SMC4: variants seen among roughly 807,000 people sequenced by gnomAD.
SMC4 encodes the protein structural maintenance of chromosomes 4.
SMC4 carries 87 observed loss-of-function variants against 145.6 expected under a neutral mutation model. The ratio of observed to expected loss-of-function variants is 0.60; its 90% CI spans 0.50 to 0.71. SMC4 has a LOEUF of 0.71. Among genes scored for constraint, SMC4 ranks in the 30% least tolerant of loss-of-function variants. The pLI is 0.00. For synonymous variants in SMC4, 558 were observed against 500.7 expected (o/e 1.11, Z -1.53); for missense variants, 1,447 against 1,537.1 (o/e 0.94, Z 0.98).
intron 8 of SMC4, chr3:160,413,816 C>T (rs1396561419): frequency 1.3e-5 from 5 of 374,790 alleles, no homozygotes; most frequent in South Asian, 3.4e-5. Context: ...GTCTTAGAAC[C>T]GTGGGGATGC....
intron 5 of SMC4, among the ~76,000 whole-genome samples, chr3:160,407,027 G>C (rs1433375301): frequency 6.6e-6 from 1 of 152,138 alleles, no homozygotes; most frequent in Non-Finnish European, 1.5e-5. Context: ...AGTTTTATTA[G>C]CTCTGTATAA....
At chr3:160,425,361 A>G (rs1247435437) in intron 16 of SMC4, among the ~76,000 whole-genome samples, 7 of 152,126 alleles carry the variant, frequency 4.6e-5, no homozygotes, top group Non-Finnish European at 7.4e-5. Context: ...TGTTTTTTTA[A>G]TAAGTTTCCA....
rs1715157878 is a variant in SMC4, at chr3:160,404,974, T to C, written c.687+470T>C. On this transcript the variant is annotated intron_variant, in intron 5 of 23. Transcript: ENST00000357388. ...TATAACCAAAAAATGAAAAAATCTG[T>C]ACACTTGGTGTTTGATTTACCTAAG... 4.8e-5 allele frequency: 14 copies of C among 292,698 alleles called. 1 individual carries two copies. The highest frequency in any genetic ancestry group is 3.8e-4 in the South Asian group (12 of 31,928). 18.1% of individuals were successfully genotyped at this position (292,698 alleles called of 1,614,324 possible).
intron 5 of SMC4, among the ~76,000 whole-genome samples, chr3:160,407,891 G>A (rs975509887): frequency 2.0e-5 from 3 of 152,118 alleles, no homozygotes; most frequent in African/African-American, 7.2e-5. Flanking sequence ...CTACTAACAA[G>A]TTACTCTTTC....
At chr3:160,432,021 T>C (rs1054138952) in intron 21 of SMC4, among the ~76,000 whole-genome samples, 196 bp downstream of exon 21, 1 of 152,184 alleles carries the variant, frequency 6.6e-6, no homozygotes, top group Non-Finnish European at 1.5e-5. Context: ...GCCAACATAG[T>C]GAAACCTCAT....
intron 3 of SMC4, 56 bp downstream of exon 3, chr3:160,402,149 TA>T (rs1415369886): frequency 5.2e-6 from 6 of 1,144,344 alleles, no homozygotes; most frequent in Non-Finnish European, 5.9e-6. Flanking sequence ...TGTAAGGTAA[TA>T]CGTTTTTACA....
Position 160,433,707 on chromosome 3 carries a change from G to GT in SMC4, c.3768dup (p.Glu1257Ter). 1 of 1,586,094 alleles carries GT rather than the reference G, an allele frequency of 6.3e-7. No homozygotes were observed. Among genetic ancestry groups the GT allele is most frequent in the Non-Finnish European group, 8.6e-7 (1 of 1,163,806 alleles). On this transcript the variant is annotated frameshift_variant, in exon 24 of 24. Transcript: ENST00000357388. LOFTEE classifies it high-confidence loss of function. ...TAATAATTTCTCTTCGAAATAATAT[G>GT]TTTGAGATTTCGGATAGACTTATTG...
At chr3:160,401,113 TG>T in intron 2 of SMC4, 148 bp downstream of exon 2, 1 of 1,146,578 alleles carries the variant, frequency 8.7e-7, no homozygotes, top group Non-Finnish European at 1.1e-6. Flanking sequence ...GAAAGCCATT[TG>T]GCAACTTTGA....
chr3:160,432,221 C>A, intron 21 of SMC4, 62 bp from the exon 22 acceptor site: 1 of 1,248,696 alleles, frequency 8.0e-7, no homozygotes, highest in Non-Finnish European at 1.1e-6. Context: ...TAATAATTAA[C>A]AATGCTAATT....
At chr3:160,404,108 G>A (rs1349334121) in intron 4 of SMC4, 17 of 451,866 alleles carry the variant, frequency 3.8e-5, no homozygotes, top group South Asian at 1.6e-4. Context: ...TTGGCTTCTT[G>A]ATTTTTGTGA....
At position 160,433,129 on chromosome 3, in the gene SMC4, C is replaced by T. The variant is rs1438914600; in HGVS notation, c.3634C>T (p.Pro1212Ser). Residue 1212 changes from proline to serine, a missense_variant, in exon 23 of 24, where the codon CCC becomes TCC. Coordinates refer to ENST00000357388, the MANE Select transcript of SMC4 (RefSeq NM_001002800.3). ...ALVFALHHYK[P>S]TPLYFMDEID... ...AGTATTTGCTCTTCACCACTACAAGCCCACTCCCCTTTACTTCATGGATGA... is the reference window on the plus strand; with the variant it reads ...AGTATTTGCTCTTCACCACTACAAGTCCACTCCCCTTTACTTCATGGATGA... 6.2e-7 allele frequency: 1 copy of T among 1,613,486 alleles called. No individual in the cohort carries two copies. Among genetic ancestry groups the T allele is most frequent in the Admixed American group, 1.7e-5 (1 of 60,010 alleles).
intron 12 of SMC4, among the ~76,000 whole-genome samples, chr3:160,419,953 A>T (rs1020983373): frequency 3.4e-5 from 5 of 148,586 alleles, no homozygotes; most frequent in African/African-American, 7.9e-5. Context: ...AATGAAAATT[A>T]AAAAAAATTT....
At position 160,431,837 on chromosome 3, in the gene SMC4, CTG is replaced by C. The variant is rs1219353330; in HGVS notation, c.3297+16_3297+17del. 4.4e-6 allele frequency: 7 copies of C among 1,607,428 alleles called. No homozygotes were observed. In the South Asian group the frequency reaches 7.8e-5, roughly 18 times the overall value. On this transcript the variant is annotated intron_variant, in intron 21 of 23. Transcript: ENST00000357388. The stretch of plus-strand genomic sequence containing the variant: ...AGTATAAAAAGAAGGTATGAATGAA[CTG>C]TGTATGTATACTAGTTGGAGTTCTT...
Position 160,432,338 on chromosome 3 carries a change from A to T in SMC4, c.3353A>T (p.Asp1118Val). ...AELDKITYER[D>V]SFRQAYEDLR... is the part of the protein sequence containing the mutation. ...TTGGACAAAATTACTTATGAAAGAG[A>T]CAGTTTTAGACAGGCATATGAAGAT... Residue 1118 changes from aspartate to valine, a missense_variant, in exon 22 of 24, where the codon GAC (aspartate) becomes GTC (valine). Transcript: ENST00000357388. 6.2e-7 allele frequency: 1 copy of T among 1,613,162 alleles called. No homozygotes were observed. Among genetic ancestry groups the T allele is most frequent in the Non-Finnish European group, 8.5e-7 (1 of 1,179,756 alleles).
chr3:160,410,177 G>A (rs141845237), intron 5 of SMC4, among the ~76,000 whole-genome samples: 2 of 152,272 alleles, frequency 1.3e-5, no homozygotes, highest in African/African-American at 2.4e-5. Context: ...ATTCAGTAAC[G>A]TCTGAAGACA....
chr3:160,409,642 T>C (rs1296280713), intron 5 of SMC4, among the ~76,000 whole-genome samples: 1 of 152,266 alleles, frequency 6.6e-6, no homozygotes, highest in Non-Finnish European at 1.5e-5. Flanking sequence ...GACTCAAATG[T>C]AAGTTCTTTT....
chr3:160,420,777 C>T lies in SMC4; in HGVS notation c.1895C>T (p.Ala632Val). ...LGAIDEKYDV[A>V]ISSCCHALDY... is the part of the protein sequence containing the mutation. ...GCCATTGATGAAAAATACGACGTGG[C>T]TATATCATCCTGTTGTCATGCACTG... The change falls in exon 13 of 24, where the codon GCT becomes GTT. Residue 632 changes from alanine to valine, a missense_variant. Ala to Val is a moderately conservative substitution (Grantham distance 64, BLOSUM62 0). Transcript: ENST00000357388. The T allele has an allele frequency of 6.2e-7, 1 of 1,613,796 alleles. No homozygotes were observed. Among genetic ancestry groups the T allele is most frequent in the East Asian group, 2.2e-5 (1 of 44,862 alleles).
At chr3:160,411,832 C>T (rs2108465436) in intron 5 of SMC4, 88 bp from the exon 6 acceptor site, 1 of 1,067,858 alleles carries the variant, frequency 9.4e-7, no homozygotes, top group Non-Finnish European at 1.4e-6. Flanking sequence ...TTACTCTTGG[C>T]TTTATTATTT....
intron 16 of SMC4, among the ~76,000 whole-genome samples, chr3:160,425,743 A>G (rs1376898716): frequency 6.6e-6 from 1 of 152,230 alleles, no homozygotes; most frequent in African/African-American, 2.4e-5. Flanking sequence ...CATTTGTTGC[A>G]TAATGCCAGA....
Sources: gnomAD v4.1 joint callset for allele counts (sites outside exome capture counted in the v4.1 genomes callset) on GRCh38, gnomAD v4.1.1 for gene constraint, MANE v1.5 for transcripts, NCBI Gene and HGNC (gene_info 2026-07-23, HGNC 2026-07-21) for gene names.